The following FSTL5 variants were observed in gnomAD, a reference collection of about 807,000 sequenced individuals.
The protein encoded by FSTL5 is follistatin like 5.
A neutral mutation model predicts 89.1 loss-of-function variants in FSTL5; 62 were observed. The observed-to-expected ratio is 0.70, with a 90% CI of 0.57 to 0.86. The LOEUF is 0.86. Ranked by LOEUF, FSTL5 falls within the 40% of genes least tolerant of loss-of-function variation. FSTL5 has a pLI of 0.00. For missense variants in FSTL5, 1,057 were observed against 1,001.6 expected, an observed-to-expected ratio of 1.06 and a Z score of -0.75; for synonymous variants, 383 against 346.2, an observed-to-expected ratio of 1.11 and a Z score of -1.18.
At chr4:162,020,878 T>C (rs893452623) in intron 3 of FSTL5, among the ~76,000 whole-genome samples, 1 of 152,194 alleles carries the variant, frequency 6.6e-6, no homozygotes, top group African/African-American at 2.4e-5. Context: ...TTGAACCAAA[T>C]AATTATTGCA....
At chr4:161,613,501 T>C (rs1734728015) in intron 7 of FSTL5, among the ~76,000 whole-genome samples, 1 of 151,228 alleles carries the variant, frequency 6.6e-6, no homozygotes, top group South Asian at 2.1e-4. Flanking sequence ...ACTCAATAGT[T>C]GGTAAGGTTG....
intron 2 of FSTL5, among the ~76,000 whole-genome samples, chr4:162,048,360 A>T (rs1738267934): frequency 6.6e-6 from 1 of 152,072 alleles, no homozygotes; most frequent in African/African-American, 2.4e-5. Flanking sequence ...AAACAAAAAA[A>T]CACCTATTCC....
At chr4:161,847,312 C>T (rs139327214) in intron 4 of FSTL5, among the ~76,000 whole-genome samples, 55 of 152,128 alleles carry the variant, frequency 3.6e-4, no homozygotes, top group African/African-American at 1.3e-3. Context: ...TGAGTGTTTT[C>T]AATATAAAAG....
intron 3 of FSTL5, among the ~76,000 whole-genome samples, chr4:161,943,668 G>C (rs531883823): frequency 7.0e-6 from 1 of 143,150 alleles, no homozygotes; most frequent in South Asian, 2.3e-4. Context: ...CCATTCTCCT[G>C]CCTCAGCCTC....
intron 3 of FSTL5, among the ~76,000 whole-genome samples, chr4:161,946,426 T>C (rs1427223678): frequency 6.6e-6 from 1 of 152,212 alleles, no homozygotes; most frequent in Non-Finnish European, 1.5e-5. Flanking sequence ...CTGAAAGTCA[T>C]AAATTATTCT....
intron 4 of FSTL5, among the ~76,000 whole-genome samples, chr4:161,854,034 A>T (rs1731642236): frequency 1.3e-5 from 2 of 152,184 alleles, no homozygotes; most frequent in Non-Finnish European, 2.9e-5. Context: ...TCATAACAGC[A>T]TCTATTTATA....
At chr4:162,153,757 T>TATAATA (rs1733352712) in intron 1 of FSTL5, among the ~76,000 whole-genome samples, 4 of 83,842 alleles carry the variant, frequency 4.8e-5, no homozygotes, top group Admixed American at 3.2e-4. Flanking sequence ...TATACATGTA[T>TATAATA]ATATACATGT....
intron 1 of FSTL5, among the ~76,000 whole-genome samples, chr4:162,115,976 GAGA>G (rs1336859097): frequency 6.6e-6 from 1 of 152,128 alleles, no homozygotes; most frequent in East Asian, 1.9e-4. Context: ...TGCAGCATTT[GAGA>G]AGAAGAAAAG....
chr4:161,928,688 T>G (rs1734197029), intron 3 of FSTL5, among the ~76,000 whole-genome samples: 1 of 151,810 alleles, frequency 6.6e-6, no homozygotes, highest in Non-Finnish European at 1.5e-5. Context: ...TGAGCGTATT[T>G]TCATATGTTT....
Position 161,918,787 on chromosome 4 carries a change from G to A in FSTL5, c.409+1617C>T, listed in dbSNP as rs1272937076. Among the ~76,000 whole-genome samples the A allele has an allele frequency of 2.0e-5, 3 of 151,948 alleles. No homozygotes were observed. The South Asian group carries it at 6.2e-4, about 32-fold the overall frequency. On this transcript the variant is annotated intron_variant, in intron 4 of 15. Transcript: ENST00000306100. Reference sequence around the variant, plus strand: ...AGCCTCCCGAGTGGCTGGGATAGAGGCACCCGCCATCATGCCCAGCTAATT... The same window carrying A: ...AGCCTCCCGAGTGGCTGGGATAGAGACACCCGCCATCATGCCCAGCTAATT...
intron 3 of FSTL5, among the ~76,000 whole-genome samples, chr4:161,981,493 G>C (rs930411834): frequency 1.3e-5 from 2 of 152,036 alleles, no homozygotes; most frequent in African/African-American, 4.8e-5. Context: ...TGGAGGTGTC[G>C]GTAACTGGTG....
intron 3 of FSTL5, among the ~76,000 whole-genome samples, chr4:161,921,744 T>C (rs1003976783): frequency 2.0e-5 from 3 of 152,068 alleles, no homozygotes; most frequent in African/African-American, 7.2e-5. Flanking sequence ...AAATCCCTAG[T>C]TGCAAGCTTT....
intron 6 of FSTL5, among the ~76,000 whole-genome samples, chr4:161,742,032 G>C (rs909164700): frequency 2.6e-5 from 4 of 151,890 alleles, no homozygotes; most frequent in Non-Finnish European, 1.5e-5. Context: ...GTAAACTGCT[G>C]GTACAAAGAT....
chr4:161,550,339 G>A (rs1030241790), intron 8 of FSTL5, among the ~76,000 whole-genome samples: 5 of 151,908 alleles, frequency 3.3e-5, no homozygotes, highest in African/African-American at 2.4e-5. Context: ...TTTCCTTGAG[G>A]ACTACTTAAA....
rs138214630 is a variant in FSTL5 at position 161,488,105 on chromosome 4, C to A, written c.1459-6936G>T. Among the ~76,000 whole-genome samples, 77 of 152,080 alleles carry A rather than the reference C, an allele frequency of 5.1e-4. 2 individuals are homozygous for A. In the East Asian group the frequency reaches 0.01, roughly 20 times the overall value. On this transcript the variant is annotated intron_variant, in intron 12 of 15. Transcript: ENST00000306100. Reference sequence around the variant, plus strand: ...AGCATTGAATAGCCTCCAAATTTGACCATTTTTTAAAGCACTGAGGATAAA... The same window carrying A: ...AGCATTGAATAGCCTCCAAATTTGAACATTTTTTAAAGCACTGAGGATAAA...
intron 4 of FSTL5, among the ~76,000 whole-genome samples, chr4:161,867,911 G>A (rs1016634837): frequency 3.3e-5 from 5 of 151,744 alleles, no homozygotes; most frequent in African/African-American, 1.2e-4. Flanking sequence ...ATTCAATTAG[G>A]TCAATTTAAT....
At chr4:161,740,473 G>GA (rs201911039) in intron 6 of FSTL5, among the ~76,000 whole-genome samples, 10 of 143,510 alleles carry the variant, frequency 7.0e-5, no homozygotes, top group Admixed American at 1.4e-4. Context: ...TATTATAAAA[G>GA]AAAAAAAAAA....
At chr4:161,931,255 T>C (rs1309341041) in intron 3 of FSTL5, among the ~76,000 whole-genome samples, 2 of 151,884 alleles carry the variant, frequency 1.3e-5, no homozygotes. Flanking sequence ...AGCTGATCTT[T>C]AATAGCTTTA....
At chr4:161,494,207 ACT>A (rs1219758197) in intron 12 of FSTL5, among the ~76,000 whole-genome samples, 8 of 152,142 alleles carry the variant, frequency 5.3e-5, no homozygotes, top group Admixed American at 1.3e-4. Context: ...TCACTGTATA[ACT>A]CTCTGTAAGT....
Sources: allele counts gnomAD v4.1 joint callset (sites outside exome capture counted in the v4.1 genomes callset), GRCh38; gene constraint gnomAD v4.1.1; transcripts MANE v1.5; gene names NCBI Gene and HGNC (gene_info 2026-07-23, HGNC 2026-07-21).